The following RNF144B variants were observed in gnomAD, a reference collection of about 807,000 sequenced individuals.
RNF144B encodes the protein ring finger protein 144B, also known as E3 ubiquitin-protein ligase RNF144B.
Under a neutral mutation model 40.2 loss-of-function variants are expected in RNF144B, and 25 were observed. That is an observed-to-expected ratio of 0.62 (90% confidence interval 0.45 to 0.87). RNF144B has a LOEUF of 0.87. Among genes scored for constraint, RNF144B ranks in the 40% least tolerant of loss-of-function variants. RNF144B has a pLI of 0.00. For missense variants in RNF144B, 365 were observed against 373.7 expected (o/e 0.98, Z 0.19); for synonymous variants, 145 against 136.3 (o/e 1.06, Z -0.44).
intron 3 of RNF144B, among the ~76,000 whole-genome samples, chr6:18,438,928 A>G (rs1200313240): frequency 1.3e-5 from 2 of 152,184 alleles, no homozygotes; most frequent in Admixed American, 6.5e-5. Flanking sequence ...TACATTTGAC[A>G]TCAATGGAAT....
intron 6 of RNF144B, among the ~76,000 whole-genome samples, chr6:18,461,821 G>A (rs1275818911): frequency 1.3e-5 from 2 of 151,964 alleles, no homozygotes; most frequent in African/African-American, 4.8e-5. Context: ...TGAGATCATG[G>A]GGCCAGGAGA....
chr6:18,449,990 T>C (rs10456828), intron 4 of RNF144B, among the ~76,000 whole-genome samples: 18,980 of 152,178 alleles, frequency 0.12, 1,357 homozygotes, highest in Admixed American at 0.19. Flanking sequence ...TTCTTTGTGC[T>C]TTCAGACAGA....
In RNF144B at chr6:18,460,321, C is replaced by T. The variant is rs768894804; in HGVS notation, c.681+570C>T. Among the ~76,000 whole-genome samples, 1 of 152,152 alleles carries T rather than the reference C, an allele frequency of 6.6e-6. No homozygotes were observed. The highest frequency in any genetic ancestry group is 1.5e-5 in the Non-Finnish European group (1 of 68,030). On this transcript the variant is annotated intron_variant, in intron 6 of 7. Transcript: ENST00000259939. The surrounding 1 kb of genome is among the most constrained non-coding windows in gnomAD (Gnocchi z 4.4). Reference sequence around the variant, plus strand: ...TTTCTTAGTCGTTGCTCCCTCTGACCACAGCTGGGAAAGGTTCTCTGCCTG... The same window carrying T: ...TTTCTTAGTCGTTGCTCCCTCTGACTACAGCTGGGAAAGGTTCTCTGCCTG...
chr6:18,443,365 C>T lies in RNF144B; in HGVS notation c.331+3621C>T, dbSNP rs148933802. Among the ~76,000 whole-genome samples the T allele has an allele frequency of 0.011, 1,657 of 152,134 alleles. 23 individuals are homozygous for T. Among genetic ancestry groups the T allele is most frequent in the Middle Eastern group, 0.027 (8 of 294 alleles). On this transcript the variant is annotated intron_variant, in intron 4 of 7. Coordinates refer to ENST00000259939, the MANE Select transcript of RNF144B (RefSeq NM_182757.4). This position sits in a 1 kb window ranked among gnomAD's most constrained non-coding sequence, Gnocchi z 4.7. ...GCAACTTCCGCCTCCTGGGTTCAAG[C>T]GATTCTCCTGCCTCAGCCTCCCGAG...
intron 1 of RNF144B, among the ~76,000 whole-genome samples, chr6:18,393,850 C>A (rs1794636733): frequency 6.6e-6 from 1 of 152,184 alleles, no homozygotes; most frequent in African/African-American, 2.4e-5. Flanking sequence ...GCATTCATAT[C>A]TGTTATTCTA....
At position 18,418,086 on chromosome 6, in the gene RNF144B, C is replaced by T. The variant is rs1320209345; in HGVS notation, c.166-9495C>T. Among the ~76,000 whole-genome samples, 2 of 152,050 alleles carry T rather than the reference C, an allele frequency of 1.3e-5. No homozygotes were observed. The highest frequency in any genetic ancestry group is 2.9e-5 in the Non-Finnish European group (2 of 68,008). ...CTATAATAAAAAAGACAGAAAATAA[C>T]GAGTTTTGATGAGAATTTAAAGAAG... is the stretch of plus-strand genomic sequence containing the variant. On this transcript the variant is annotated intron_variant, in intron 2 of 7. Transcript: ENST00000259939. This position sits in a 1 kb window ranked among gnomAD's most constrained non-coding sequence, Gnocchi z 5.2.
rs1368965359 is a variant in RNF144B at position 18,414,359 on chromosome 6, A to G, written c.166-13222A>G. 6.6e-6 allele frequency among the ~76,000 whole-genome samples: 1 copy of G among 152,022 alleles called. No homozygotes were observed. Among genetic ancestry groups the G allele is most frequent in the African/African-American group, 2.4e-5 (1 of 41,412 alleles). ...TCCTATCATTCCATGTATAGAAATA[A>G]TATCTTCTTGAGGAAACTGTTAAGC... On this transcript the variant is annotated intron_variant, in intron 2 of 7. Coordinates refer to ENST00000259939, the MANE Select transcript of RNF144B (RefSeq NM_182757.4). This position sits in a 1 kb window ranked among gnomAD's most constrained non-coding sequence, Gnocchi z 4.9.
rs1759039204 is a variant in RNF144B, at chr6:18,444,685, A to T, written c.331+4941A>T. ...GTTCTCCTTCATTTAAAAAAAAGTG[A>T]AATAGGAAGTTGTCTTTCTTTTGCT... On this transcript the variant is annotated intron_variant, in intron 4 of 7. Transcript: ENST00000259939. The surrounding 1 kb of genome is among the most constrained non-coding windows in gnomAD (Gnocchi z 4.3). Among the ~76,000 whole-genome samples, 1 of 150,050 alleles carries T rather than the reference A, an allele frequency of 6.7e-6. No individual in the cohort carries two copies. The highest frequency in any genetic ancestry group is 1.5e-5 in the Non-Finnish European group (1 of 67,026).
chr6:18,412,805 CTG>C lies in RNF144B; in HGVS notation c.165+13110_165+13111del, dbSNP rs1167103699. Among the ~76,000 whole-genome samples, 1 of 152,094 alleles carries C rather than the reference CTG, an allele frequency of 6.6e-6. No homozygotes were observed. Among genetic ancestry groups the C allele is most frequent in the Non-Finnish European group, 1.5e-5 (1 of 68,018 alleles). On this transcript the variant is annotated intron_variant, in intron 2 of 7. Coordinates refer to ENST00000259939, the MANE Select transcript of RNF144B (RefSeq NM_182757.4). This position sits in a 1 kb window ranked among gnomAD's most constrained non-coding sequence, Gnocchi z 4.2. ...CTCATTTCCATGGAAATACATGGCT[CTG>C]TGTTAACTGAAAGCCTCCATGGTTT...
chr6:18,405,464 C>T lies in RNF144B; in HGVS notation c.165+5765C>T, dbSNP rs1013139158. Among the ~76,000 whole-genome samples the T allele has an allele frequency of 6.6e-6, 1 of 152,096 alleles. No individual in the cohort carries two copies. Among genetic ancestry groups the T allele is most frequent in the African/African-American group, 2.4e-5 (1 of 41,408 alleles). On this transcript the variant is annotated intron_variant, in intron 2 of 7. Coordinates refer to ENST00000259939, the MANE Select transcript of RNF144B (RefSeq NM_182757.4). The surrounding 1 kb of genome is among the most constrained non-coding windows in gnomAD (Gnocchi z 4.5). ...TGCTGGGATTATAGGCGTGAGCCACCGTGCCCAGCCGCAAGGTTAGTTTTA... is the reference window on the plus strand; with the variant it reads ...TGCTGGGATTATAGGCGTGAGCCACTGTGCCCAGCCGCAAGGTTAGTTTTA...
chr6:18,430,502 C>G (rs1410260273), intron 3 of RNF144B, among the ~76,000 whole-genome samples: 2 of 151,938 alleles, frequency 1.3e-5, no homozygotes, highest in South Asian at 2.1e-4. Flanking sequence ...CTCTCTCTCT[C>G]TCTCTTTTTT....
intron 2 of RNF144B, among the ~76,000 whole-genome samples, chr6:18,408,513 A>G (rs1376203215): frequency 6.6e-6 from 1 of 152,228 alleles, no homozygotes; most frequent in Non-Finnish European, 1.5e-5. Flanking sequence ...GGATGGAAAC[A>G]TGACTGTAGT....
At chr6:18,432,599 T>A (rs997445937) in intron 3 of RNF144B, among the ~76,000 whole-genome samples, 2 of 152,216 alleles carry the variant, frequency 1.3e-5, no homozygotes, top group African/African-American at 4.8e-5. Flanking sequence ...AAAAAGGTGA[T>A]GTCTAATTTA....
intron 2 of RNF144B, among the ~76,000 whole-genome samples, chr6:18,402,951 T>C (rs1342752795): frequency 1.3e-5 from 2 of 152,216 alleles, no homozygotes; most frequent in Non-Finnish European, 2.9e-5. Context: ...ATGACTGACG[T>C]CATAGAACAT....
At chr6:18,424,969 G>A (rs1241829329) in intron 2 of RNF144B, among the ~76,000 whole-genome samples, 1 of 152,182 alleles carries the variant, frequency 6.6e-6, no homozygotes, top group African/African-American at 2.4e-5. Context: ...AGGAGAAGAG[G>A]AGTAATAACA....
intron 2 of RNF144B, among the ~76,000 whole-genome samples, chr6:18,409,188 G>T (rs1334642131): frequency 1.3e-5 from 2 of 151,776 alleles, no homozygotes; most frequent in African/African-American, 2.4e-5. Flanking sequence ...GACCAGCCTA[G>T]CCACCATGGT....
chr6:18,428,506 A>G (rs1361656726), intron 3 of RNF144B, among the ~76,000 whole-genome samples: 2 of 151,534 alleles, frequency 1.3e-5, no homozygotes, highest in Non-Finnish European at 1.5e-5. Flanking sequence ...TTTTTTTCAT[A>G]TCCCCTCGTT....
Position 18,459,573 on chromosome 6 carries a change from G to A in RNF144B, c.537-34G>A. On this transcript the variant is annotated intron_variant, in intron 5 of 7. Coordinates refer to ENST00000259939, the MANE Select transcript of RNF144B (RefSeq NM_182757.4). This position sits in a 1 kb window ranked among gnomAD's most constrained non-coding sequence, Gnocchi z 4.2. The stretch of plus-strand genomic sequence containing the variant: ...CTGGGAATTCAACTGATGACCATCA[G>A]CTGAATGCCATTTCTCATCCATTTT... 3 of 1,606,646 alleles carry A rather than the reference G, an allele frequency of 1.9e-6. No individual in the cohort carries two copies. The highest frequency in any genetic ancestry group is 2.6e-6 in the Non-Finnish European group (3 of 1,174,840).
At chr6:18,399,956 A>G (rs903615926) in intron 2 of RNF144B, among the ~76,000 whole-genome samples, 6 of 152,128 alleles carry the variant, frequency 3.9e-5, no homozygotes, top group African/African-American at 1.4e-4. Flanking sequence ...TAAGGTTCAA[A>G]CTATGGAACA....
Sources: gnomAD v4.1 joint callset for allele counts (sites outside exome capture counted in the v4.1 genomes callset) on GRCh38, gnomAD v4.1.1 for gene constraint, Gnocchi (gnomAD v3.1) non-coding constraint, MANE v1.5 for transcripts, NCBI Gene and HGNC (gene_info 2026-07-23, HGNC 2026-07-21) for gene names.